The following TMEM178B variants were observed in gnomAD, a reference collection of about 807,000 sequenced individuals.
The protein encoded by TMEM178B is transmembrane protein 178B.
A neutral mutation model predicts 31.0 loss-of-function variants in TMEM178B; 5 were observed. The observed-to-expected ratio is 0.16, with a 90% CI of 0.08 to 0.34. The LOEUF (loss-of-function observed/expected upper bound fraction) is 0.34. Ranked by LOEUF, TMEM178B falls within the 10% of genes least tolerant of loss-of-function variation. The pLI is 1.00. For missense variants in TMEM178B, 275 were observed against 400.3 expected, an observed-to-expected ratio of 0.69 and a Z score of 2.67; for synonymous variants, 164 against 164.0, an observed-to-expected ratio of 1.00 and a Z score of 0.00.
intron 2 of TMEM178B, among the ~76,000 whole-genome samples, chr7:141,316,555 T>C (rs189885728): frequency 6.6e-6 from 1 of 150,998 alleles, no homozygotes; most frequent in East Asian, 1.9e-4. Flanking sequence ...TGGACTGCTG[T>C]GTGTGTGTGT....
chr7:141,288,176 C>T (rs1231841809), intron 2 of TMEM178B, among the ~76,000 whole-genome samples: 1 of 147,632 alleles, frequency 6.8e-6, no homozygotes, highest in Non-Finnish European at 1.5e-5. Context: ...CTGTGTGGCC[C>T]TCTTTAGATG....
At chr7:141,364,477 G>A (rs1182484005) in intron 2 of TMEM178B, among the ~76,000 whole-genome samples, 2 of 151,902 alleles carry the variant, frequency 1.3e-5, no homozygotes, top group Non-Finnish European at 2.9e-5. Flanking sequence ...TGGCTAACAC[G>A]GTGAAACCCC....
chr7:141,434,471 G>A (rs982677105), intron 2 of TMEM178B, among the ~76,000 whole-genome samples: 7 of 152,160 alleles, frequency 4.6e-5, no homozygotes, highest in African/African-American at 1.4e-4. Context: ...TGTGCTGACC[G>A]TTTATACCTC....
At chr7:141,212,797 T>C in intron 2 of TMEM178B, 93 bp downstream of exon 2, 1 of 1,014,250 alleles carries the variant, frequency 9.9e-7, no homozygotes, top group Non-Finnish European at 1.5e-6. Context: ...CTGGGATCTG[T>C]GGATGGTCTC....
chr7:141,281,903 T>G (rs1019856696), intron 2 of TMEM178B, among the ~76,000 whole-genome samples: 1 of 152,160 alleles, frequency 6.6e-6, no homozygotes, highest in African/African-American at 2.4e-5. Flanking sequence ...ACTGTCTGGA[T>G]GTTATTCTGG....
intron 2 of TMEM178B, among the ~76,000 whole-genome samples, chr7:141,230,676 A>G (rs1797427973): frequency 6.6e-6 from 1 of 152,132 alleles, no homozygotes; most frequent in South Asian, 2.1e-4. Context: ...TTGCTCTGTC[A>G]CTCAGGTTGG....
chr7:141,100,878 A>T (rs1267217228), intron 1 of TMEM178B, among the ~76,000 whole-genome samples: 1 of 152,206 alleles, frequency 6.6e-6, no homozygotes, highest in East Asian at 1.9e-4. Context: ...TGGAATAATT[A>T]TATAGGCCCA....
chr7:141,137,072 G>C (rs940647522), intron 1 of TMEM178B, among the ~76,000 whole-genome samples: 1 of 152,130 alleles, frequency 6.6e-6, no homozygotes, highest in Non-Finnish European at 1.5e-5. Flanking sequence ...TGCTGGGTTG[G>C]GGGGATGTGG....
chr7:141,075,148 T>C (rs961197160), intron 1 of TMEM178B, among the ~76,000 whole-genome samples: 5 of 152,182 alleles, frequency 3.3e-5, no homozygotes, highest in African/African-American at 1.2e-4. Context: ...CAGAAACGTT[T>C]GCTGAGCGCT....
At chr7:141,098,973 CAAAA>C (rs1346986641) in intron 1 of TMEM178B, among the ~76,000 whole-genome samples, 2 of 151,840 alleles carry the variant, frequency 1.3e-5, no homozygotes, top group South Asian at 2.1e-4. Context: ...AAACCCAAAA[CAAAA>C]CAAACAAACA....
At chr7:141,238,838 G>C (rs1404918929) in intron 2 of TMEM178B, among the ~76,000 whole-genome samples, 1 of 152,192 alleles carries the variant, frequency 6.6e-6, no homozygotes, top group Non-Finnish European at 1.5e-5. Context: ...TGTAGTCAAG[G>C]AACAGAATGA....
Position 141,177,238 on chromosome 7 carries a change from A to T in TMEM178B, c.383-35353A>T, listed in dbSNP as rs566590671. On this transcript the variant is annotated intron_variant, in intron 1 of 3. Coordinates refer to ENST00000565468, the MANE Select transcript of TMEM178B (RefSeq NM_001195278.2). ...TTCAGGAGCAGGTTGTTCAGTTTCC[A>T]TATAGTTGTGCAGTTTTGAGTGAGT... 3.3e-5 allele frequency among the ~76,000 whole-genome samples: 5 copies of T among 152,140 alleles called. No homozygotes were observed. In the South Asian group the frequency reaches 1.0e-3, roughly 31 times the overall value.
the TMEM178B span, among the ~76,000 whole-genome samples, chr7:141,511,047 C>T: frequency 9.2e-5 from 14 of 152,082 alleles, no homozygotes; most frequent in Non-Finnish European, 1.8e-4. Flanking sequence ...TAGAACTGTG[C>T]AATGTATTAT....
chr7:141,272,843 C>T (rs11981103), intron 2 of TMEM178B, among the ~76,000 whole-genome samples: 60,369 of 152,026 alleles, frequency 0.4, 12,297 homozygotes, highest in Admixed American at 0.48. Context: ...ATAGACCTAC[C>T]GTTCTATCTA....
At chr7:141,243,413 T>C (rs1586846226) in intron 2 of TMEM178B, among the ~76,000 whole-genome samples, 1 of 152,022 alleles carries the variant, frequency 6.6e-6, no homozygotes, top group Non-Finnish European at 1.5e-5. Context: ...TATGGGGTTA[T>C]GGCAGCCATC....
At chr7:141,421,779 C>T (rs1477626806) in intron 2 of TMEM178B, among the ~76,000 whole-genome samples, 1 of 151,970 alleles carries the variant, frequency 6.6e-6, no homozygotes, top group Admixed American at 6.6e-5. Flanking sequence ...ATTCTTGTCT[C>T]GGATATGACT....
intron 1 of TMEM178B, among the ~76,000 whole-genome samples, chr7:141,115,731 G>A (rs1222475028): frequency 6.6e-6 from 1 of 152,172 alleles, no homozygotes; most frequent in Non-Finnish European, 1.5e-5. Context: ...GGCAAAGAGT[G>A]ACCTTTCCAA....
chr7:141,369,379 A>C (rs1391682899), intron 2 of TMEM178B, among the ~76,000 whole-genome samples: 1 of 150,220 alleles, frequency 6.7e-6, no homozygotes, highest in Non-Finnish European at 1.5e-5. Context: ...GTTTATGTAG[A>C]GGAGAAAGAA....
intron 2 of TMEM178B, among the ~76,000 whole-genome samples, chr7:141,308,234 A>G (rs961598500): frequency 2.6e-5 from 4 of 152,252 alleles, no homozygotes; most frequent in African/African-American, 7.2e-5. Flanking sequence ...GTGGAACTCC[A>G]GCTGAAAGAG....
Sources: gnomAD v4.1 joint callset for allele counts (sites outside exome capture counted in the v4.1 genomes callset) on GRCh38, gnomAD v4.1.1 for gene constraint, MANE v1.5 for transcripts, NCBI Gene and HGNC (gene_info 2026-07-23, HGNC 2026-07-21) for gene names.